The following RYR2 variants were observed in gnomAD, a reference collection of about 807,000 sequenced individuals.
The protein encoded by RYR2 is cardiac muscle ryanodine receptor-calcium release channel.
In RYR2, 227 loss-of-function variants were observed where a neutral mutation model predicts 601.1. The ratio of observed to expected loss-of-function variants is 0.38; its 90% confidence interval spans 0.34 to 0.42. The LOEUF is 0.42. Ranked by LOEUF, RYR2 falls within the 10% of genes least tolerant of loss-of-function variation. The pLI, the probability that RYR2 is intolerant of heterozygous loss-of-function variation, is 1.00. For synonymous variants in RYR2, 2,223 were observed against 2,175.1 expected, an observed-to-expected ratio of 1.02 and a Z score of -0.61; for missense variants, 4,646 against 6,156.5, an observed-to-expected ratio of 0.75 and a Z score of 8.21.
chr1:237,630,248 A>G (rs1251110131), intron 41 of RYR2, among the ~76,000 whole-genome samples: 1 of 152,320 alleles, frequency 6.6e-6, no homozygotes, highest in South Asian at 2.1e-4. Flanking sequence ...CCTGACTGCT[A>G]TTTAATTTAC....
At chr1:237,126,974 G>T (rs1278216722) in intron 1 of RYR2, among the ~76,000 whole-genome samples, 2 of 151,800 alleles carry the variant, frequency 1.3e-5, no homozygotes, top group African/African-American at 2.4e-5. Flanking sequence ...AGATTAGGGA[G>T]TGGTGATGAC....
chr1:237,665,622 G>C (rs554419802), intron 56 of RYR2, among the ~76,000 whole-genome samples: 90 of 152,214 alleles, frequency 5.9e-4, no homozygotes, highest in African/African-American at 2.1e-3. Context: ...TGCCTTCTTT[G>C]AACAAGGTTT....
chr1:237,466,865 T>C, intron 16 of RYR2, among the ~76,000 whole-genome samples: 1 of 151,786 alleles, frequency 6.6e-6, no homozygotes, highest in South Asian at 2.1e-4. Context: ...CCAAGAGTTA[T>C]TAAGGAGAGA....
intron 1 of RYR2, among the ~76,000 whole-genome samples, chr1:237,188,496 A>G (rs1364883334): frequency 1.3e-5 from 2 of 152,194 alleles, no homozygotes; most frequent in Non-Finnish European, 2.9e-5. Flanking sequence ...ATTAAATGAG[A>G]TAATACATGT....
Position 237,698,105 on chromosome 1 carries a change from A to AGTGTGT in RYR2, c.9068-819_9068-814dup, listed in dbSNP as rs3999833. On this transcript the variant is annotated intron_variant, in intron 63 of 104. Transcript: ENST00000366574. ...TCAATCTCAGGACCCAGGAGATGAT[A>AGTGTGT]GTGTGTGTGTGTGTGTGTGTGTGTG... Among the ~76,000 whole-genome samples, 496 of 140,134 alleles carry AGTGTGT rather than the reference A, an allele frequency of 3.5e-3. 6 individuals are homozygous for AGTGTGT. The highest frequency in any genetic ancestry group is 0.012 in the South Asian group (50 of 4,072). The allele number at this position is 140,134 out of a possible 152,430, so 91.9% of individuals were successfully genotyped here.
intron 19 of RYR2, among the ~76,000 whole-genome samples, 184 bp downstream of exon 19, chr1:237,493,271 C>A (rs1247292976): frequency 6.6e-6 from 1 of 151,958 alleles, no homozygotes; most frequent in African/African-American, 2.4e-5. Context: ...ATAAATGAAC[C>A]TAGCAAAATA....
intron 1 of RYR2, among the ~76,000 whole-genome samples, chr1:237,176,260 T>C (rs2148929069): frequency 9.1e-6 from 1 of 110,302 alleles, no homozygotes; most frequent in East Asian, 2.5e-4. Context: ...TATATATATA[T>C]ATATAAAAAA....
chr1:237,346,049 G>C (rs912405416), intron 3 of RYR2, among the ~76,000 whole-genome samples: 1 of 152,092 alleles, frequency 6.6e-6, no homozygotes, highest in Non-Finnish European at 1.5e-5. Context: ...CTTAGAGAAA[G>C]GAGATATTGA....
chr1:237,695,868 A>G lies in RYR2; in HGVS notation c.9068-3097A>G, dbSNP rs530599495. Among the ~76,000 whole-genome samples, 4 of 152,274 alleles carry G rather than the reference A, an allele frequency of 2.6e-5. No homozygotes were observed. The South Asian group carries it at 6.2e-4, about 24-fold the overall frequency. ...TTCTATTTAAAGTTGTGCTGTGTCT[A>G]AAAGGGGTCTACCAAGATGTAAAAA... is the stretch of plus-strand genomic sequence containing the variant. On this transcript the variant is annotated intron_variant, in intron 63 of 104. Coordinates refer to ENST00000366574, the MANE Select transcript of RYR2 (RefSeq NM_001035.3).
At chr1:237,571,321 T>C (rs1008559525) in intron 29 of RYR2, among the ~76,000 whole-genome samples, 18 of 150,894 alleles carry the variant, frequency 1.2e-4, no homozygotes, top group African/African-American at 3.6e-4. Context: ...TTTTCTTTTT[T>C]TTTTTTTTTT....
rs535139927 is a variant in RYR2 at position 237,482,577 on chromosome 1, A to C, written c.1709-9229A>C. On this transcript the variant is annotated intron_variant, in intron 17 of 104. Coordinates refer to ENST00000366574, the MANE Select transcript of RYR2 (RefSeq NM_001035.3). ...GAATAGTACTCCATTGTGTGTATAT[A>C]CTGATTTTCTTTATCCATTCATCTG... Among the ~76,000 whole-genome samples the C allele has an allele frequency of 3.7e-4, 57 of 152,210 alleles. 1 individual carries two copies. The South Asian group carries it at 0.011, about 31-fold the overall frequency.
rs373003154 is a variant in RYR2 at position 237,490,088 on chromosome 1, C to T, written c.1709-1718C>T. Among the ~76,000 whole-genome samples the T allele has an allele frequency of 1.0e-3, 159 of 152,224 alleles. 3 individuals carry two copies. In the South Asian group the frequency reaches 0.031, roughly 30 times the overall value. On this transcript the variant is annotated intron_variant, in intron 17 of 104. Coordinates refer to ENST00000366574, the MANE Select transcript of RYR2 (RefSeq NM_001035.3). Reference sequence around the variant, plus strand: ...AGCAAATTAATGCAGGAACAGAAAACCACATACAGCGTATTATCACTTATA... The same window carrying T: ...AGCAAATTAATGCAGGAACAGAAAATCACATACAGCGTATTATCACTTATA...
At chr1:237,524,618 C>A (rs562547406) in intron 24 of RYR2, among the ~76,000 whole-genome samples, 2 of 152,042 alleles carry the variant, frequency 1.3e-5, no homozygotes, top group Non-Finnish European at 2.9e-5. Context: ...GTGTAATTCC[C>A]TCAGCATAGC....
At chr1:237,591,111 C>G in intron 31 of RYR2, 119 bp downstream of exon 31, 1 of 162,756 alleles carries the variant, frequency 6.1e-6, no homozygotes, top group Non-Finnish European at 1.2e-5. Flanking sequence ...CCTCCTCCTC[C>G]TCTTCCCCCT....
chr1:237,772,136 G>C (rs758004871), intron 86 of RYR2, 36 bp downstream of exon 86: 4 of 1,156,450 alleles, frequency 3.5e-6, no homozygotes, highest in Non-Finnish European at 5.0e-6. Flanking sequence ...AAATTAAAAG[G>C]GTTGGTATGT....
At chr1:237,188,255 C>T (rs1572142037) in intron 1 of RYR2, among the ~76,000 whole-genome samples, 1 of 148,938 alleles carries the variant, frequency 6.7e-6, no homozygotes, top group Admixed American at 6.7e-5. Flanking sequence ...TTCAGCATTG[C>T]TTTTTTTTTT....
At chr1:237,519,857 G>A (rs1490297725) in intron 24 of RYR2, among the ~76,000 whole-genome samples, 1 of 152,048 alleles carries the variant, frequency 6.6e-6, no homozygotes, top group Non-Finnish European at 1.5e-5. Context: ...TGAATTTATG[G>A]ATTGCTTTGG....
intron 1 of RYR2, among the ~76,000 whole-genome samples, chr1:237,151,157 G>A (rs1029957683): frequency 2.0e-5 from 3 of 152,136 alleles, no homozygotes; most frequent in Non-Finnish European, 4.4e-5. Flanking sequence ...AGTATACTGT[G>A]CCTGAGCTTT....
chr1:237,530,545 G>A, intron 25 of RYR2, 35 bp downstream of exon 25: 1 of 1,454,868 alleles, frequency 6.9e-7, no homozygotes, highest in Non-Finnish European at 9.5e-7. Context: ...TAAATAATCT[G>A]TGTAGAGATT....
Sources: gnomAD v4.1 joint callset for allele counts (sites outside exome capture counted in the v4.1 genomes callset) on GRCh38, gnomAD v4.1.1 for gene constraint, MANE v1.5 for transcripts, NCBI Gene and HGNC (gene_info 2026-07-23, HGNC 2026-07-21) for gene names.